Variants in PRSS23 observed in about 807,000 individuals in gnomAD.
The protein encoded by PRSS23 is serine protease 23.
In PRSS23, 25 loss-of-function variants were observed where a neutral mutation model predicts 34.7. The observed-to-expected ratio is 0.72, with a 90% CI of 0.53 to 1.01. The LOEUF is 1.01. PRSS23 is among the 50% of genes least tolerant of loss of function. PRSS23 has a pLI of 0.00. For synonymous variants in PRSS23, 176 were observed against 186.6 expected, an observed-to-expected ratio of 0.94 and a Z score of 0.46; for missense variants, 445 against 475.6, an observed-to-expected ratio of 0.94 and a Z score of 0.60.
intron 2 of PRSS23, chr11:86,950,849 AG>A (rs2135039082): frequency 2.1e-6 from 1 of 471,962 alleles, no homozygotes; most frequent in East Asian, 4.1e-5. Flanking sequence ...GAATCTAGGC[AG>A]GACCTCCACG....
chr11:86,872,105 T>G (rs1218841640), intron 2 of PRSS23, among the ~76,000 whole-genome samples: 3 of 152,182 alleles, frequency 2.0e-5, no homozygotes, highest in Non-Finnish European at 4.4e-5. Flanking sequence ...TTCAACTCTT[T>G]CTTGTGTCAA....
chr11:86,867,997 C>G (rs1006654253), intron 2 of PRSS23, among the ~76,000 whole-genome samples: 21 of 152,102 alleles, frequency 1.4e-4, no homozygotes, highest in Non-Finnish European at 2.8e-4. Context: ...CTCGGCCCCT[C>G]TTCACCTCAG....
rs532654602 is a variant in PRSS23, at chr11:86,804,192, A to G, written c.-13-3439A>G. On this transcript the variant is annotated intron_variant, in intron 1 of 1. Coordinates refer to ENST00000280258, the MANE Select transcript of PRSS23 (RefSeq NM_007173.6). ...GGACTAAGCAACTTAAGAAGCTTGT[A>G]GCTTTAATACAGACATCAGTTTAAA... 3.9e-5 allele frequency among the ~76,000 whole-genome samples: 6 copies of G among 152,354 alleles called. 1 individual carries two copies. Among genetic ancestry groups the G allele is most frequent in the African/African-American group, 1.4e-4 (6 of 41,592 alleles).
rs1488591824 is a variant in PRSS23 at position 86,808,477 on chromosome 11, C to G, written c.834C>G (p.His278Gln). The G allele has an allele frequency of 6.2e-7, 1 of 1,614,230 alleles. No individual in the cohort carries two copies. The highest frequency in any genetic ancestry group is 2.2e-5 in the East Asian group (1 of 44,884). ...AGCAGCTGCCAGGGGGCAGAATTCA[C>G]TTCTCTGGTTATGACAATGACCGAC... ...PAKQLPGGRI[H>Q]FSGYDNDRPG... Residue 278 changes from histidine (H) to glutamine (Q), a missense_variant, in exon 2 of 2, where the codon CAC becomes CAG. By Grantham distance (24) the His-to-Gln change is conservative. Transcript: ENST00000280258.
intron 2 of PRSS23, among the ~76,000 whole-genome samples, chr11:86,825,884 C>A: frequency 6.6e-6 from 1 of 151,822 alleles, no homozygotes; most frequent in East Asian, 1.9e-4. Flanking sequence ...GTTACTGTAG[C>A]CTTGTAGTAT....
intron 2 of PRSS23, among the ~76,000 whole-genome samples, chr11:86,861,427 G>T (rs148166559): frequency 6.6e-6 from 1 of 151,980 alleles, no homozygotes; most frequent in Non-Finnish European, 1.5e-5. Flanking sequence ...ATCGCAGGGG[G>T]TGTGCACCTC....
intron 2 of PRSS23, among the ~76,000 whole-genome samples, chr11:86,879,564 G>T (rs1345307141): frequency 8.1e-6 from 1 of 122,720 alleles, no homozygotes; most frequent in Non-Finnish European, 1.7e-5. Flanking sequence ...TCAGCCCCCC[G>T]CCCGGCCAGC....
At chr11:86,917,654 G>A (rs1949022280) in intron 2 of PRSS23, among the ~76,000 whole-genome samples, 1 of 152,142 alleles carries the variant, frequency 6.6e-6, no homozygotes, top group Admixed American at 6.5e-5. Context: ...TATCTGATTT[G>A]TAGGATCTGA....
chr11:86,888,134 A>G (rs1253892121), intron 2 of PRSS23, among the ~76,000 whole-genome samples: 4 of 145,330 alleles, frequency 2.8e-5, no homozygotes, highest in Non-Finnish European at 6.2e-5. Context: ...AAACAAAACA[A>G]AACAAAACCT....
rs1399513506 is a variant in PRSS23 at position 86,826,704 on chromosome 11, C to G, written c.206+3111C>G. Reference sequence around the variant, plus strand: ...TTTATTGAGAGTTTTTAGCATGAAGCATTGTTGAATTTTGTCAAAGGCCTT... The same window carrying G: ...TTTATTGAGAGTTTTTAGCATGAAGGATTGTTGAATTTTGTCAAAGGCCTT... On this transcript the variant is annotated intron_variant, in intron 2 of 2. Transcript: ENST00000533902. Among the ~76,000 whole-genome samples, 6 of 152,152 alleles carry G rather than the reference C, an allele frequency of 3.9e-5. No individual in the cohort carries two copies. In the East Asian group the frequency reaches 7.7e-4, roughly 20 times the overall value.
intron 2 of PRSS23, chr11:86,911,831 G>T (rs1948980330): frequency 6.5e-6 from 1 of 152,868 alleles, no homozygotes; most frequent in South Asian, 2.1e-4. Flanking sequence ...GAGTGCAATG[G>T]CATGATCTCA....
At position 86,808,175 on chromosome 11, in the gene PRSS23, C is replaced by T. The variant is rs565967791; in HGVS notation, c.532C>T (p.His178Tyr). ...KHVLTAAHCI[H>Y]DGKTYVKGTQ... ...TGTCCTCACAGCTGCCCACTGCATACACGATGGAAAAACCTATGTGAAAGG... is the reference window on the plus strand; with the variant it reads ...TGTCCTCACAGCTGCCCACTGCATATACGATGGAAAAACCTATGTGAAAGG... The change falls in exon 2 of 2, where the codon CAC (histidine) becomes TAC (tyrosine). Residue 178 changes from histidine (H) to tyrosine (Y), a missense_variant. Coordinates refer to ENST00000280258, the MANE Select transcript of PRSS23 (RefSeq NM_007173.6). 16 of 1,614,186 alleles carry T rather than the reference C, an allele frequency of 9.9e-6. No homozygotes were observed. In the South Asian group the frequency reaches 1.8e-4, roughly 18 times the overall value.
chr11:86,910,424 A>G (rs1948969478), intron 2 of PRSS23: 1 of 152,332 alleles, frequency 6.6e-6, no homozygotes, highest in East Asian at 1.9e-4. Context: ...AAATTAGTCC[A>G]GAATTGTTTG....
intron 2 of PRSS23, among the ~76,000 whole-genome samples, chr11:86,856,088 G>A (rs1230402077): frequency 6.6e-6 from 1 of 152,098 alleles, no homozygotes; most frequent in Non-Finnish European, 1.5e-5. Flanking sequence ...TTTTATGTAT[G>A]TACAAGTGTG....
At chr11:86,880,737 C>T (rs1342820375) in intron 2 of PRSS23, among the ~76,000 whole-genome samples, 1 of 152,196 alleles carries the variant, frequency 6.6e-6, no homozygotes, top group African/African-American at 2.4e-5. Context: ...TGAGTGAGAA[C>T]ATGCAGCATT....
intron 1 of PRSS23, among the ~76,000 whole-genome samples, chr11:86,823,069 GA>G (rs1948265018): frequency 6.6e-6 from 1 of 152,218 alleles, no homozygotes; most frequent in Non-Finnish European, 1.5e-5. Context: ...TGACCAGCCT[GA>G]AGGTTTGGGA....
At chr11:86,833,868 C>G (rs186529529) in intron 2 of PRSS23, among the ~76,000 whole-genome samples, 3 of 152,262 alleles carry the variant, frequency 2.0e-5, no homozygotes, top group Non-Finnish European at 4.4e-5. Flanking sequence ...ACTGACCACT[C>G]TAACTGCTTC....
chr11:86,904,894 A>T (rs1340352541), intron 2 of PRSS23, among the ~76,000 whole-genome samples: 4 of 152,070 alleles, frequency 2.6e-5, no homozygotes, highest in African/African-American at 4.8e-5. Context: ...CAAAAAAAAA[A>T]AAAAAGTTTT....
At chr11:86,806,509 G>A (rs1948102801) in intron 1 of PRSS23, among the ~76,000 whole-genome samples, 1 of 152,156 alleles carries the variant, frequency 6.6e-6, no homozygotes, top group Non-Finnish European at 1.5e-5. Flanking sequence ...TAAATGGTGG[G>A]TACATTTGAA....
Sources: allele counts gnomAD v4.1 joint callset (sites outside exome capture counted in the v4.1 genomes callset), GRCh38; gene constraint gnomAD v4.1.1; transcripts MANE v1.5; gene names NCBI Gene and HGNC (gene_info 2026-07-23, HGNC 2026-07-21).